The following ST8SIA6 variants were observed in gnomAD, a reference collection of about 807,000 sequenced individuals.
ST8SIA6 encodes the protein ST8 alpha-N-acetyl-neuraminide alpha-2,8-sialyltransferase 6.
In ST8SIA6, 39 loss-of-function variants were observed where a neutral mutation model predicts 33.6. That is an observed-to-expected ratio of 1.16 (90% CI 0.90 to 1.52). The LOEUF (loss-of-function observed/expected upper bound fraction) is 1.52. ST8SIA6 is among the 40% of genes most tolerant of loss of function. The pLI, the probability that ST8SIA6 is intolerant of heterozygous loss-of-function variation, is 0.00. For missense variants in ST8SIA6, 441 were observed against 443.8 expected (o/e 0.99, Z 0.06); for synonymous variants, 172 against 167.2 (o/e 1.03, Z -0.22).
At chr10:17,331,015 A>T (rs1848282986) in intron 5 of ST8SIA6, among the ~76,000 whole-genome samples, 1 of 152,208 alleles carries the variant, frequency 6.6e-6, no homozygotes, top group African/African-American at 2.4e-5. Flanking sequence ...CTTCCCAAAG[A>T]TGAGCCACAT....
chr10:17,453,524 G>T, intron 2 of ST8SIA6, 35 bp downstream of exon 2: 2 of 1,274,406 alleles, frequency 1.6e-6, no homozygotes. Flanking sequence ...CGCAGCTCCC[G>T]AGCCCCAGTC....
At chr10:17,447,446 A>G (rs907104860) in intron 2 of ST8SIA6, among the ~76,000 whole-genome samples, 7 of 152,218 alleles carry the variant, frequency 4.6e-5, no homozygotes, top group Admixed American at 4.6e-4. Flanking sequence ...CTTAAAATAC[A>G]AGGAAAGCTT....
At chr10:17,383,603 T>C (rs1850235715) in intron 3 of ST8SIA6, among the ~76,000 whole-genome samples, 1 of 152,252 alleles carries the variant, frequency 6.6e-6, no homozygotes, top group African/African-American at 2.4e-5. Flanking sequence ...AATTGTTGTC[T>C]TGTTTTGTTC....
Position 17,331,364 on chromosome 10 carries a change from CCTGG to C in ST8SIA6, c.522+40_522+43del, listed in dbSNP as rs775548609. On this transcript the variant is annotated intron_variant, in intron 5 of 7. Transcript: ENST00000377602. ...ACAGCTTAAAGTAAAAGAAAATTCA[CCTGG>C]AATGGTAACACAAATAACCCACCAG... 4.0e-5 allele frequency: 63 copies of C among 1,559,554 alleles called. No homozygotes were observed. In the South Asian group the frequency reaches 6.4e-4, roughly 16 times the overall value.
chr10:17,326,331 C>G (rs574831232), intron 6 of ST8SIA6, among the ~76,000 whole-genome samples: 16 of 152,168 alleles, frequency 1.1e-4, no homozygotes, highest in Admixed American at 9.8e-4. Flanking sequence ...TCAATTGAAA[C>G]CCATCCTCAG....
In ST8SIA6 at chr10:17,438,179, T is replaced by C. The variant is rs567530070; in HGVS notation, c.200+15380A>G. 2.6e-5 allele frequency among the ~76,000 whole-genome samples: 4 copies of C among 152,318 alleles called. No homozygotes were observed. The East Asian group carries it at 7.7e-4, about 29-fold the overall frequency. On this transcript the variant is annotated intron_variant, in intron 2 of 7. Transcript: ENST00000377602. Reference sequence around the variant, plus strand: ...CCTGTCCTGGTTATGAGATCTCCTGTTTAGAAAGGGTTTTTTCCCCTCCTG... The same window carrying C: ...CCTGTCCTGGTTATGAGATCTCCTGCTTAGAAAGGGTTTTTTCCCCTCCTG...
chr10:17,317,617 C>G lies in ST8SIA6; in HGVS notation c.*3261G>C, dbSNP rs1236565822. On this transcript the variant is annotated 3_prime_UTR_variant, in exon 8 of 8. Coordinates refer to ENST00000377602, the MANE Select transcript of ST8SIA6 (RefSeq NM_001004470.3). ...GTAGCTGTTTAGGATGTTAGTGGAC[C>G]TGTTTTCCACAAAATTTTCCACTTT... Among the ~76,000 whole-genome samples, 3 of 152,122 alleles carry G rather than the reference C, an allele frequency of 2.0e-5. No individual in the cohort carries two copies. Among genetic ancestry groups the G allele is most frequent in the Admixed American group, 6.6e-5 (1 of 15,248 alleles).
chr10:17,323,488 G>A lies in ST8SIA6; in HGVS notation c.636-331C>T, dbSNP rs552762030. 1.1e-3 allele frequency among the ~76,000 whole-genome samples: 157 copies of A among 148,806 alleles called. 1 individual carries two copies. Among genetic ancestry groups the A allele is most frequent in the African/African-American group, 3.6e-3 (145 of 40,204 alleles). ...GGGCTCACTGCAACCTCCGCCTCTC[G>A]GATTCAAGCAATTCTTCTGCCTCAG... On this transcript the variant is annotated intron_variant, in intron 6 of 7. Coordinates refer to ENST00000377602, the MANE Select transcript of ST8SIA6 (RefSeq NM_001004470.3).
chr10:17,375,368 T>G (rs555927027), intron 3 of ST8SIA6, among the ~76,000 whole-genome samples: 50 of 152,316 alleles, frequency 3.3e-4, no homozygotes, highest in African/African-American at 1.2e-3. Flanking sequence ...TTTTGAAGTT[T>G]GATCGGCCAT....
intron 1 of ST8SIA6, 121 bp from the exon 2 acceptor site, chr10:17,453,778 G>T: frequency 1.4e-6 from 1 of 717,302 alleles, no homozygotes. Flanking sequence ...CCCAGGCCAG[G>T]TCCCCAGCCC....
At chr10:17,445,146 T>C (rs1272323953) in intron 2 of ST8SIA6, among the ~76,000 whole-genome samples, 3 of 152,126 alleles carry the variant, frequency 2.0e-5, no homozygotes, top group African/African-American at 7.2e-5. Flanking sequence ...CAAGCTCTAG[T>C]TCACACTCAT....
At chr10:17,329,057 A>AGAATCATT (rs1848220697) in intron 5 of ST8SIA6, among the ~76,000 whole-genome samples, 1 of 152,180 alleles carries the variant, frequency 6.6e-6, no homozygotes, top group Non-Finnish European at 1.5e-5. Context: ...AAGATGCCCC[A>AGAATCATT]GAATCATTGT....
At chr10:17,428,361 A>T (rs1230348680) in intron 2 of ST8SIA6, among the ~76,000 whole-genome samples, 1 of 152,008 alleles carries the variant, frequency 6.6e-6, no homozygotes, top group Non-Finnish European at 1.5e-5. Flanking sequence ...ACTTTCATTC[A>T]TTCACTGATG....
At position 17,454,063 on chromosome 10, in the gene ST8SIA6, G is replaced by A; in HGVS notation, c.101+92C>T. 4.2e-6 allele frequency: 1 copy of A among 239,770 alleles called. No homozygotes were observed. Among genetic ancestry groups the A allele is most frequent in the Non-Finnish European group, 7.9e-6 (1 of 125,802 alleles). 14.9% of individuals were successfully genotyped at this position (239,770 alleles called of 1,614,324 possible). A position where few individuals can be genotyped will look rare whatever the true frequency, so the allele number is the denominator to read the frequency against. ...CTCCCCGCCGCGGCCAAAAGTCTCC[G>A]CGCCCGAGGGGAAGCGATGGGCGGC... On this transcript the variant is annotated intron_variant, in intron 1 of 7. Transcript: ENST00000377602. The surrounding 1 kb of genome is among the most constrained non-coding windows in gnomAD (Gnocchi z 4.1).
intron 5 of ST8SIA6, among the ~76,000 whole-genome samples, chr10:17,331,109 G>A (rs374182353): frequency 2.4e-4 from 37 of 152,128 alleles, no homozygotes; most frequent in African/African-American, 7.2e-4. Context: ...AAAAATGGCC[G>A]TCTTCACAAG....
chr10:17,371,659 G>A (rs1163107002), intron 3 of ST8SIA6, among the ~76,000 whole-genome samples: 2 of 151,458 alleles, frequency 1.3e-5, no homozygotes, highest in East Asian at 1.9e-4. Context: ...GGTGGTGCAC[G>A]CCTATAATCC....
intron 2 of ST8SIA6, among the ~76,000 whole-genome samples, chr10:17,446,975 G>T (rs1852729672): frequency 2.7e-5 from 4 of 150,792 alleles, no homozygotes; most frequent in Admixed American, 2.6e-4. Flanking sequence ...TAGAACCCTG[G>T]GGGCAGAGGT....
In ST8SIA6 at chr10:17,331,468, G is replaced by A. The variant is rs377694286; in HGVS notation, c.462C>T (p.Tyr154=). 24 of 1,613,154 alleles carry A rather than the reference G, an allele frequency of 1.5e-5. No individual in the cohort carries two copies. The highest frequency in any genetic ancestry group is 3.3e-4 in the Middle Eastern group (2 of 6,082). ...GGATTTCTTTTTTGCTTTCCACCTC[G>A]TAACTCATATTAGTCCCAACTGGAG... is the stretch of plus-strand genomic sequence containing the variant. ...NNTPVGTNMS[Y]EVESKKEIPI... is the part of the protein sequence containing the mutation. Residue 154 remains tyrosine (Y), a synonymous_variant, in exon 5 of 8, where the codon TAC becomes TAT. Transcript: ENST00000377602.
At chr10:17,418,321 T>C (rs1851666487) in intron 2 of ST8SIA6, among the ~76,000 whole-genome samples, 1 of 152,116 alleles carries the variant, frequency 6.6e-6, no homozygotes, top group South Asian at 2.1e-4. Context: ...GTGCTGGGAT[T>C]ACAGGCATGT....
Sources: allele counts gnomAD v4.1 joint callset (sites outside exome capture counted in the v4.1 genomes callset), GRCh38; gene constraint gnomAD v4.1.1; non-coding constraint Gnocchi (gnomAD v3.1); transcripts MANE v1.5; gene names NCBI Gene and HGNC (gene_info 2026-07-23, HGNC 2026-07-21).